Variants in HECW2 observed in about 807,000 individuals in gnomAD.
HECW2 encodes the protein HECT, C2 and WW domain containing E3 ubiquitin protein ligase 2.
A neutral mutation model predicts 175.2 loss-of-function variants in HECW2; 61 were observed. That is an observed-to-expected ratio of 0.35 (90% CI 0.28 to 0.43). HECW2 has a LOEUF of 0.43. HECW2 is among the 20% of genes least tolerant of loss of function. The pLI, the probability that HECW2 is intolerant of heterozygous loss-of-function variation, is 1.00. For synonymous variants in HECW2, 671 were observed against 731.0 expected (o/e 0.92, Z 1.32); for missense variants, 1,524 against 2,000.5 (o/e 0.76, Z 4.54).
At chr2:196,439,488 T>C (rs1033309643) in intron 1 of HECW2, among the ~76,000 whole-genome samples, 1 of 152,198 alleles carries the variant, frequency 6.6e-6, no homozygotes, top group Non-Finnish European at 1.5e-5. Context: ...CATTAGGTCA[T>C]ACAGGCCTTG....
intron 1 of HECW2, among the ~76,000 whole-genome samples, chr2:196,574,982 G>T (rs1690510224): frequency 6.7e-6 from 1 of 150,084 alleles, no homozygotes; most frequent in African/African-American, 2.5e-5. Context: ...ACATGCTGAG[G>T]TGAAAGGATT....
intron 2 of HECW2, among the ~76,000 whole-genome samples, chr2:196,358,039 C>T (rs538241351): frequency 6.6e-6 from 1 of 152,278 alleles, no homozygotes; most frequent in Admixed American, 6.5e-5. Flanking sequence ...GAGAATATTA[C>T]ACCACTTGAT....
rs138631008 is a variant in HECW2, at chr2:196,566,406, A to G, written c.-36+27102T>C. On this transcript the variant is annotated intron_variant, in intron 1 of 28. Coordinates refer to ENST00000644978, the MANE Select transcript of HECW2 (RefSeq NM_001348768.2). ...TTCTGAAGTAAAATAAGCATTGCTT[A>G]CAAGTTCTTTATGCATTAATAAACT... Among the ~76,000 whole-genome samples the G allele has an allele frequency of 5.9e-4, 90 of 152,292 alleles. No homozygotes were observed. The East Asian group carries it at 9.2e-3, about 16-fold the overall frequency.
intron 2 of HECW2, among the ~76,000 whole-genome samples, chr2:196,370,930 A>C (rs1575471516): frequency 6.6e-6 from 1 of 151,636 alleles, no homozygotes; most frequent in African/African-American, 2.4e-5. Flanking sequence ...GCAATGAAAA[A>C]CTCTCTCTCC....
At chr2:196,266,181 A>AC in intron 17 of HECW2, among the ~76,000 whole-genome samples, 1 of 151,238 alleles carries the variant, frequency 6.6e-6, no homozygotes, top group East Asian at 1.9e-4. Flanking sequence ...AAAAAAAAAA[A>AC]AAAAAACACA....
intron 21 of HECW2, among the ~76,000 whole-genome samples, chr2:196,230,549 G>T (rs1384732034): frequency 6.6e-6 from 1 of 152,098 alleles, no homozygotes; most frequent in East Asian, 1.9e-4. Context: ...CTCAGGGCAG[G>T]GGTGAGAATT....
At chr2:196,310,258 G>T (rs946381875) in intron 10 of HECW2, among the ~76,000 whole-genome samples, 7 of 152,154 alleles carry the variant, frequency 4.6e-5, no homozygotes, top group Admixed American at 2.6e-4. Flanking sequence ...GCTTTCTAAG[G>T]TCATGGAACA....
At position 196,201,139 on chromosome 2, in the gene HECW2, C is replaced by T; in HGVS notation, c.*138G>A. 3.1e-6 allele frequency: 2 copies of T among 645,392 alleles called. No homozygotes were observed. Among genetic ancestry groups the T allele is most frequent in the East Asian group, 5.5e-5 (2 of 36,194 alleles). 40.0% of individuals were successfully genotyped at this position (645,392 alleles called of 1,614,324 possible). ...TCTCCAGTCCCCAAATGTGACAGAG[C>T]ACTTGTTCCTGGAAAACAACAGCAC... On this transcript the variant is annotated 3_prime_UTR_variant, in exon 29 of 29. Coordinates refer to ENST00000644978, the MANE Select transcript of HECW2 (RefSeq NM_001348768.2).
intron 24 of HECW2, among the ~76,000 whole-genome samples, chr2:196,221,422 T>C (rs1417578360): frequency 6.6e-6 from 1 of 152,232 alleles, no homozygotes; most frequent in African/African-American, 2.4e-5. Context: ...TAAACTGGTA[T>C]ATAATTTCTG....
chr2:196,341,433 T>C (rs1188656075), intron 3 of HECW2, among the ~76,000 whole-genome samples: 1 of 152,196 alleles, frequency 6.6e-6, no homozygotes, highest in Non-Finnish European at 1.5e-5. Flanking sequence ...CCATTCCATT[T>C]TCCCACATTC....
intron 3 of HECW2, among the ~76,000 whole-genome samples, chr2:196,338,561 C>T (rs1692636063): frequency 6.6e-6 from 1 of 152,172 alleles, no homozygotes; most frequent in South Asian, 2.1e-4. Context: ...ACAAGCCACT[C>T]CCTGCAAGAA....
At chr2:196,206,959 G>T (rs138471891) in intron 28 of HECW2, among the ~76,000 whole-genome samples, 1 of 152,314 alleles carries the variant, frequency 6.6e-6, no homozygotes, top group Non-Finnish European at 1.5e-5. Flanking sequence ...CTGTGCCAAG[G>T]CTTGAAAGAT....
intron 1 of HECW2, among the ~76,000 whole-genome samples, chr2:196,488,311 T>C (rs898273917): frequency 6.6e-6 from 1 of 152,216 alleles, no homozygotes; most frequent in African/African-American, 2.4e-5. Flanking sequence ...ACATTATATT[T>C]CTGACAAATA....
intron 1 of HECW2, among the ~76,000 whole-genome samples, chr2:196,451,173 T>C (rs1407018854): frequency 6.6e-6 from 1 of 152,118 alleles, no homozygotes; most frequent in Non-Finnish European, 1.5e-5. Context: ...CAGTGGTTCA[T>C]GTCTGTAATC....
Position 196,328,600 on chromosome 2 carries a change from C to G in HECW2, c.571+975G>C, listed in dbSNP as rs1314250027. ...GGTCTTTTAACGCTCACTCTCACAA[C>G]ACGTTTTTTGTTTGTTTGTTTGTTT... On this transcript the variant is annotated intron_variant, in intron 5 of 28. Transcript: ENST00000644978. 2.0e-5 allele frequency among the ~76,000 whole-genome samples: 3 copies of G among 151,198 alleles called. No homozygotes were observed. The East Asian group carries it at 5.8e-4, about 29-fold the overall frequency.
intron 17 of HECW2, among the ~76,000 whole-genome samples, chr2:196,266,481 T>C (rs915286612): frequency 2.0e-5 from 3 of 152,216 alleles, no homozygotes; most frequent in Non-Finnish European, 2.9e-5. Flanking sequence ...AAGTTTGCCA[T>C]GTTGGTCCAG....
At position 196,405,665 on chromosome 2, in the gene HECW2, A is replaced by T. The variant is rs140771789; in HGVS notation, c.292+27467T>A. ...TGTGCACATCAATGTCATGTGGACA[A>T]TGTCTACTAGATCATATTCATTAAT... On this transcript the variant is annotated intron_variant, in intron 2 of 28. Coordinates refer to ENST00000644978, the MANE Select transcript of HECW2 (RefSeq NM_001348768.2). Among the ~76,000 whole-genome samples the T allele has an allele frequency of 9.9e-4, 150 of 152,276 alleles. 1 individual carries two copies. The highest frequency in any genetic ancestry group is 3.1e-3 in the Admixed American group (48 of 15,304).
chr2:196,560,163 C>T (rs1280342692), intron 1 of HECW2, among the ~76,000 whole-genome samples: 1 of 152,100 alleles, frequency 6.6e-6, no homozygotes, highest in African/African-American at 2.4e-5. Context: ...CACCCTTTAA[C>T]AGCAAAGGTC....
chr2:196,579,213 A>G (rs1447585277), intron 1 of HECW2, among the ~76,000 whole-genome samples: 1 of 152,182 alleles, frequency 6.6e-6, no homozygotes, highest in Non-Finnish European at 1.5e-5. Context: ...TCATAACAGT[A>G]TCATCAGGAA....
Sources: gnomAD v4.1 joint callset for allele counts (sites outside exome capture counted in the v4.1 genomes callset) on GRCh38, gnomAD v4.1.1 for gene constraint, MANE v1.5 for transcripts, NCBI Gene and HGNC (gene_info 2026-07-23, HGNC 2026-07-21) for gene names.